PKD1L1: variants seen among roughly 807,000 people sequenced by gnomAD.
PKD1L1 encodes polycystin 1 like 1, transient receptor potential channel interacting, also known as polycystin-1-like protein 1.
In PKD1L1, 236 loss-of-function variants were observed where a neutral mutation model predicts 323.4. That is an observed-to-expected ratio of 0.73 (90% CI 0.66 to 0.81). The LOEUF is 0.81. PKD1L1 is among the 40% of genes least tolerant of loss of function. PKD1L1 has a pLI of 0.00. For missense variants in PKD1L1, 3,320 were observed against 3,508.0 expected, an observed-to-expected ratio of 0.95 and a Z score of 1.35; for synonymous variants, 1,344 against 1,335.0, an observed-to-expected ratio of 1.01 and a Z score of -0.15.
In PKD1L1 at chr7:47,845,070, C is replaced by T. The variant is rs149697565; in HGVS notation, c.5162G>A (p.Arg1721His). 116 of 1,613,168 alleles carry T rather than the reference C, an allele frequency of 7.2e-5. 1 individual carries two copies. The African/African-American group carries it at 1.0e-3, about 14-fold the overall frequency. ...CCTTAGGAGAGCGAATGCCGCGAGG[C>T]GATGGTAGCTAGGAGGGAAATGCGG... ...SPEKVNCSYH[R>H]LAAFALLRRK... The change falls in exon 33 of 57, where the codon CGC becomes CAC. Residue 1721 changes from arginine (R) to histidine (H), a missense_variant. Physicochemically the swap from Arg to His is conservative, Grantham distance 29. Transcript: ENST00000289672.
chr7:47,881,904 C>T lies in PKD1L1; in HGVS notation c.3442+5G>A, dbSNP rs1786561626. The T allele has an allele frequency of 6.3e-7, 1 of 1,588,160 alleles. No individual in the cohort carries two copies. The highest frequency in any genetic ancestry group is 8.5e-7 in the Non-Finnish European group (1 of 1,170,558). On this transcript the variant is annotated splice_donor_5th_base_variant and intron_variant, in intron 20 of 56. Transcript: ENST00000289672. Reference sequence around the variant, plus strand: ...AATTGGAGGGTACAAAGAGGACATTCATACCTGAGGATGAATAGCCTTGGA... The same window carrying T: ...AATTGGAGGGTACAAAGAGGACATTTATACCTGAGGATGAATAGCCTTGGA...
intron 24 of PKD1L1, among the ~76,000 whole-genome samples, chr7:47,872,823 G>A (rs750914141): frequency 6.6e-5 from 10 of 152,116 alleles, no homozygotes; most frequent in African/African-American, 1.2e-4. Context: ...CCTACCCAAG[G>A]AAAATGAAAC....
At chr7:47,937,007 C>G (rs1388803098) in intron 3 of PKD1L1, 49 bp from the exon 4 acceptor site, 2 of 1,421,370 alleles carry the variant, frequency 1.4e-6, no homozygotes. Flanking sequence ...TTATGAAAAC[C>G]CAGTACATTT....
chr7:47,825,961 G>A (rs948503313), intron 45 of PKD1L1, among the ~76,000 whole-genome samples: 2 of 151,794 alleles, frequency 1.3e-5, no homozygotes, highest in South Asian at 2.1e-4. Flanking sequence ...CCCCAGCAGC[G>A]CCCCCAGCCA....
intron 31 of PKD1L1, among the ~76,000 whole-genome samples, chr7:47,852,701 G>A (rs1785809014): frequency 6.6e-6 from 1 of 152,140 alleles, no homozygotes; most frequent in Non-Finnish European, 1.5e-5. Context: ...GCTTCAGAGG[G>A]GGTCCTGTGC....
intron 26 of PKD1L1, among the ~76,000 whole-genome samples, chr7:47,862,265 T>C (rs1393829581): frequency 6.6e-6 from 1 of 152,092 alleles, no homozygotes. Flanking sequence ...AACAAACAGA[T>C]GGCATGACCA....
At chr7:47,885,022 A>G (rs1339308435) in intron 18 of PKD1L1, among the ~76,000 whole-genome samples, 5 of 152,080 alleles carry the variant, frequency 3.3e-5, no homozygotes, top group African/African-American at 1.2e-4. Flanking sequence ...AAAATGTCTC[A>G]CTCTTTTCTT....
intron 32 of PKD1L1, 49 bp downstream of exon 32, chr7:47,846,830 G>A: frequency 6.5e-7 from 1 of 1,534,982 alleles, no homozygotes. Context: ...CAGAAGACAA[G>A]GCAGTCATTT....
chr7:47,891,199 G>A (rs1328590633), intron 15 of PKD1L1, among the ~76,000 whole-genome samples: 1 of 152,206 alleles, frequency 6.6e-6, no homozygotes, highest in East Asian at 1.9e-4. Context: ...GGAAGAAAAT[G>A]TATTTGGGAG....
intron 8 of PKD1L1, among the ~76,000 whole-genome samples, chr7:47,915,184 G>A (rs577121709): frequency 7.2e-5 from 11 of 152,306 alleles, no homozygotes; most frequent in South Asian, 4.1e-4. Context: ...CCCCAGAGGC[G>A]CGTGGGAATG....
At chr7:47,943,613 C>A in intron 1 of PKD1L1, 102 bp from the exon 2 acceptor site, 1 of 920,830 alleles carries the variant, frequency 1.1e-6, no homozygotes. Context: ...ATTTCTGCCA[C>A]AAAAGTATTA....
At chr7:47,887,889 C>CA in intron 17 of PKD1L1, 101 bp downstream of exon 17, 1 of 1,201,478 alleles carries the variant, frequency 8.3e-7, no homozygotes, top group East Asian at 2.5e-5. Flanking sequence ...AGATCAGACA[C>CA]ACTGGGTCAT....
At chr7:47,885,662 A>T in intron 18 of PKD1L1, 24 bp downstream of exon 18, 1 of 1,591,822 alleles carries the variant, frequency 6.3e-7, no homozygotes, top group South Asian at 1.1e-5. Context: ...AAGAGGGATG[A>T]CATGCAGGAA....
chr7:47,936,737 G>T, intron 4 of PKD1L1, 109 bp downstream of exon 4: 1 of 818,754 alleles, frequency 1.2e-6, no homozygotes, highest in Non-Finnish European at 2.0e-6. Context: ...ACCCACCCTC[G>T]GGCCATGTAG....
chr7:47,928,248 A>G (rs1044716865), intron 7 of PKD1L1, among the ~76,000 whole-genome samples: 7 of 152,166 alleles, frequency 4.6e-5, no homozygotes, highest in Admixed American at 2.0e-4. Context: ...ATGAGAATGT[A>G]TATGTTCAAA....
At chr7:47,780,030 TTA>T (rs1351050255) in intron 56 of PKD1L1, among the ~76,000 whole-genome samples, 2 of 138,228 alleles carry the variant, frequency 1.4e-5, no homozygotes, top group Non-Finnish European at 3.2e-5. Flanking sequence ...TATTTTTTAA[TTA>T]TTTTTTTTTT....
At chr7:47,877,663 C>T (rs1786439199) in intron 21 of PKD1L1, 32 bp from the exon 22 acceptor site, 1 of 1,607,932 alleles carries the variant, frequency 6.2e-7, no homozygotes, top group Admixed American at 1.7e-5. Context: ...CGGTTTCACC[C>T]ATGATGGAGA....
At chr7:47,930,324 T>A (rs1425386041) in intron 6 of PKD1L1, among the ~76,000 whole-genome samples, 1 of 151,156 alleles carries the variant, frequency 6.6e-6, no homozygotes, top group Non-Finnish European at 1.5e-5. Context: ...GCTAACACGG[T>A]GAAACCCGGT....
Position 47,902,252 on chromosome 7 carries a change from T to C in PKD1L1, c.2064+127A>G, listed in dbSNP as rs192894448. 162 of 1,340,556 alleles carry C rather than the reference T, an allele frequency of 1.2e-4. No individual in the cohort carries two copies. In the Admixed American group the frequency reaches 1.5e-3, roughly 12 times the overall value. 83.0% of individuals were successfully genotyped at this position (1,340,556 alleles called of 1,614,324 possible). A position where few individuals can be genotyped will look rare whatever the true frequency, so the allele number is the denominator to read the frequency against. ...CCTTATAGGCACTCCTTTGTGTAAATTGCAGTAGGATAAACTGGACAAAGC... is the reference window on the plus strand; with the variant it reads ...CCTTATAGGCACTCCTTTGTGTAAACTGCAGTAGGATAAACTGGACAAAGC... On this transcript the variant is annotated intron_variant, in intron 13 of 56. Coordinates refer to ENST00000289672, the MANE Select transcript of PKD1L1 (RefSeq NM_138295.5).
Sources: gnomAD v4.1 joint callset for allele counts (sites outside exome capture counted in the v4.1 genomes callset) on GRCh38, gnomAD v4.1.1 for gene constraint, MANE v1.5 for transcripts, NCBI Gene and HGNC (gene_info 2026-07-23, HGNC 2026-07-21) for gene names.